Variants in AFG2A observed in about 807,000 individuals in gnomAD.
AFG2A encodes AAA ATPase AFG2A, also known as ATPase family gene 2 protein homolog A.
At chr4:123,306,635 A>G in the AFG2A span, among the ~76,000 whole-genome samples, 2 of 151,454 alleles carry the variant, frequency 1.3e-5, no homozygotes, top group Non-Finnish European at 1.5e-5. Context: ...GGCTCACTGC[A>G]ACCTCTGCCT....
At chr4:123,269,392 A>G in the AFG2A span, among the ~76,000 whole-genome samples, 1 of 152,232 alleles carries the variant, frequency 6.6e-6, no homozygotes, top group Non-Finnish European at 1.5e-5. Context: ...TCTCAGAAAC[A>G]TAACATGAGT....
At chr4:123,311,455 A>G in the AFG2A span, among the ~76,000 whole-genome samples, 29 of 152,014 alleles carry the variant, frequency 1.9e-4, no homozygotes, top group East Asian at 5.8e-4. Flanking sequence ...GTGAAACCCC[A>G]TCTCTACTAA....
At chr4:123,149,798 C>CTT in the AFG2A span, among the ~76,000 whole-genome samples, 147 of 121,644 alleles carry the variant, frequency 1.2e-3, 10 homozygotes, top group African/African-American at 3.5e-3. Context: ...TAGGAAATAG[C>CTT]TTTTTTTTTT....
the AFG2A span, among the ~76,000 whole-genome samples, chr4:122,930,157 C>G: frequency 0.91 from 138,198 of 152,246 alleles, 62,944 homozygotes; most frequent in East Asian, 0.96. Flanking sequence ...TAAAACAAAC[C>G]GTCATTACTA....
the AFG2A span, chr4:123,315,756 A>G: frequency 1.3e-5 from 2 of 152,186 alleles, no homozygotes; most frequent in African/African-American, 4.8e-5. Context: ...AATGGGCTAT[A>G]CAGTTTTGTG....
the AFG2A span, among the ~76,000 whole-genome samples, chr4:123,162,851 A>G: frequency 6.6e-6 from 1 of 152,200 alleles, no homozygotes; most frequent in Non-Finnish European, 1.5e-5. Flanking sequence ...ATCATCTATA[A>G]AACAAGGATA....
chr4:123,170,642 C>A, the AFG2A span, among the ~76,000 whole-genome samples: 2 of 151,990 alleles, frequency 1.3e-5, no homozygotes, highest in African/African-American at 2.4e-5. Flanking sequence ...CATTAAAAAA[C>A]CAGGAAATTC....
the AFG2A span, among the ~76,000 whole-genome samples, chr4:123,023,606 C>T: frequency 6.6e-6 from 1 of 150,806 alleles, no homozygotes; most frequent in African/African-American, 2.5e-5. Context: ...AAATTATTTA[C>T]CTTTTCCACA....
chr4:123,085,537 T>TGTTA, the AFG2A span, among the ~76,000 whole-genome samples: 1 of 152,202 alleles, frequency 6.6e-6, no homozygotes, highest in Admixed American at 6.5e-5. Context: ...TTTGGCTTAG[T>TGTTA]GTTAGCATTG....
chr4:123,120,195 T>C, the AFG2A span, among the ~76,000 whole-genome samples: 1 of 152,302 alleles, frequency 6.6e-6, no homozygotes, highest in African/African-American at 2.4e-5. Context: ...TGTTTGGAAA[T>C]TGGAAATTAA....
At chr4:123,106,502 C>A in the AFG2A span, among the ~76,000 whole-genome samples, 2 of 150,810 alleles carry the variant, frequency 1.3e-5, no homozygotes, top group Non-Finnish European at 2.9e-5. Flanking sequence ...TATACCCAAA[C>A]CACCCTAAAA....
the AFG2A span, among the ~76,000 whole-genome samples, chr4:122,999,445 T>G: frequency 6.6e-6 from 1 of 152,130 alleles, no homozygotes; most frequent in Non-Finnish European, 1.5e-5. Context: ...GTTTTAGGTA[T>G]AGCGTTTAAG....
the AFG2A span, chr4:122,923,085 T>G: frequency 6.2e-7 from 1 of 1,605,998 alleles, no homozygotes; most frequent in Non-Finnish European, 8.5e-7. Context: ...TTTCTCTCAG[T>G]TGAAGCGCGC....
the AFG2A span, among the ~76,000 whole-genome samples, chr4:123,062,224 G>A: frequency 6.6e-6 from 1 of 152,090 alleles, no homozygotes; most frequent in Non-Finnish European, 1.5e-5. Flanking sequence ...CTTAATGAAG[G>A]GAGGCAGTTT....
At chr4:123,147,476 CA>C in the AFG2A span, among the ~76,000 whole-genome samples, 1 of 152,050 alleles carries the variant, frequency 6.6e-6, no homozygotes, top group Non-Finnish European at 1.5e-5. Context: ...TTGCCTTTTT[CA>C]TTCTTATTTT....
chr4:123,200,135 A>T, the AFG2A span, among the ~76,000 whole-genome samples: 1 of 152,098 alleles, frequency 6.6e-6, no homozygotes, highest in Non-Finnish European at 1.5e-5. Context: ...CCAAATTTTG[A>T]GGTAAGAGGT....
the AFG2A span, among the ~76,000 whole-genome samples, chr4:122,939,075 CTTTTTTTTT>C: frequency 3.7e-4 from 38 of 102,190 alleles, 1 homozygote; most frequent in Non-Finnish European, 5.9e-4. Flanking sequence ...TATGTTCTTT[CTTTTTTTTT>C]TTTTTTTTTT....
the AFG2A span, among the ~76,000 whole-genome samples, chr4:123,117,856 T>A: frequency 0.011 from 1,712 of 151,282 alleles, 33 homozygotes; most frequent in South Asian, 0.097. Flanking sequence ...GTTATTTTTT[T>A]AATTTTTTTT....
the AFG2A span, among the ~76,000 whole-genome samples, chr4:123,201,831 A>G: frequency 6.6e-6 from 1 of 152,146 alleles, no homozygotes; most frequent in Non-Finnish European, 1.5e-5. Context: ...CTGAGGTGGG[A>G]AGACCATCTG....
Sources: allele counts gnomAD v4.1 joint callset (sites outside exome capture counted in the v4.1 genomes callset), GRCh38; gene constraint gnomAD v4.1.1; transcripts MANE v1.5; gene names NCBI Gene and HGNC (gene_info 2026-07-23, HGNC 2026-07-21).